Variants in PIP5K1C observed in about 807,000 individuals in gnomAD.
The protein encoded by PIP5K1C is phosphatidylinositol-4-phosphate 5-kinase type 1 gamma, also known as phosphatidylinositol 4-phosphate 5-kinase type-1 gamma.
Under a neutral mutation model 80.1 loss-of-function variants are expected in PIP5K1C, and 45 were observed. The observed-to-expected ratio is 0.56, with a 90% CI of 0.44 to 0.72. The LOEUF (loss-of-function observed/expected upper bound fraction) is 0.72, where lower values mean the gene tolerates loss of function less well. PIP5K1C is among the 30% of genes least tolerant of loss of function. The pLI, the probability that PIP5K1C is intolerant of heterozygous loss-of-function variation, is 0.00. For synonymous variants in PIP5K1C, 498 were observed against 420.1 expected (o/e 1.19, Z -2.27); for missense variants, 753 against 954.6 (o/e 0.79, Z 2.78).
chr19:3,657,175 C>A (rs1485585913), intron 5 of PIP5K1C, among the ~76,000 whole-genome samples: 1 of 152,186 alleles, frequency 6.6e-6, no homozygotes. Context: ...CACTTCTCTG[C>A]CCCTTTTTCT....
intron 1 of PIP5K1C, among the ~76,000 whole-genome samples, chr19:3,670,477 G>A (rs2035170824): frequency 6.6e-6 from 1 of 152,230 alleles, no homozygotes; most frequent in African/African-American, 2.4e-5. Context: ...AGGAGCAGAG[G>A]GGTGTGGAGC....
intron 1 of PIP5K1C, among the ~76,000 whole-genome samples, chr19:3,691,384 T>C (rs1216133977): frequency 6.6e-6 from 1 of 152,134 alleles, no homozygotes; most frequent in East Asian, 1.9e-4. Context: ...TTCCTAAACG[T>C]TGCAAACGGC....
rs1047006523 is a variant in PIP5K1C at position 3,700,301 on chromosome 19, C to T, written c.90G>A (p.Ala30=). Residue 30 remains alanine, a synonymous_variant, in exon 1 of 18, where the codon GCG becomes GCA. Transcript: ENST00000335312. The stretch of plus-strand genomic sequence containing the variant: ...CCCGGGAGGCCGGGCCGTTACCTGC[C>T]GCCGCCCCGCTCTCTGCCGCCCACG... ...EAAWAAESGA[A]AGLAQKKAAP... The T allele has an allele frequency of 6.2e-6, 8 of 1,280,718 alleles. No homozygotes were observed. The highest frequency in any genetic ancestry group is 1.6e-5 in the African/African-American group (1 of 63,254). The allele number at this position is 1,280,718 out of a possible 1,614,324, so 79.3% of individuals were successfully genotyped here.
chr19:3,633,122 G>T lies in PIP5K1C; in HGVS notation c.*45C>A. 1.3e-6 allele frequency: 1 copy of T among 748,642 alleles called. No homozygotes were observed. Among genetic ancestry groups the T allele is most frequent in the Admixed American group, 1.9e-5 (1 of 53,896 alleles). The allele number at this position is 748,642 out of a possible 1,614,324, so 46.4% of individuals were successfully genotyped here. On this transcript the variant is annotated 3_prime_UTR_variant, in exon 18 of 18. Coordinates refer to ENST00000335312, the MANE Select transcript of PIP5K1C (RefSeq NM_012398.3). Reference sequence around the variant, plus strand: ...GTGGGCAGCGCCTTCGGGGGCAGCCGGAGCAGAAGTGGAGCTCGGCTCTGG... The same window carrying T: ...GTGGGCAGCGCCTTCGGGGGCAGCCTGAGCAGAAGTGGAGCTCGGCTCTGG...
At chr19:3,681,032 G>A (rs981493496) in intron 1 of PIP5K1C, among the ~76,000 whole-genome samples, 9 of 152,194 alleles carry the variant, frequency 5.9e-5, no homozygotes, top group African/African-American at 2.2e-4. Context: ...CTGAGAGGCA[G>A]AGACCCTGTT....
chr19:3,643,945 C>A, intron 12 of PIP5K1C, 142 bp downstream of exon 12: 1 of 999,646 alleles, frequency 1.0e-6, no homozygotes, highest in Non-Finnish European at 1.5e-6. Flanking sequence ...CAGCAGCCCC[C>A]ACTCCCTGGG....
intron 11 of PIP5K1C, 101 bp from the exon 12 acceptor site, chr19:3,644,352 A>G: frequency 8.3e-7 from 1 of 1,198,138 alleles, no homozygotes; most frequent in Non-Finnish European, 1.2e-6. Context: ...CCTGTGGCCC[A>G]CCAGACCCCT....
chr19:3,693,532 G>A (rs189273531), intron 1 of PIP5K1C, among the ~76,000 whole-genome samples: 231 of 152,332 alleles, frequency 1.5e-3, no homozygotes, highest in Non-Finnish European at 2.7e-3. Context: ...GTCTTGACCG[G>A]CCTGGTCCTG....
intron 1 of PIP5K1C, among the ~76,000 whole-genome samples, chr19:3,671,409 C>T (rs1200222791): frequency 6.6e-6 from 1 of 152,252 alleles, no homozygotes; most frequent in African/African-American, 2.4e-5. Context: ...GGTGTAGGCC[C>T]CCTGCCTCAG....
At chr19:3,699,691 G>A (rs1212503829) in intron 1 of PIP5K1C, among the ~76,000 whole-genome samples, 1 of 152,310 alleles carries the variant, frequency 6.6e-6, no homozygotes, top group Admixed American at 6.5e-5. Flanking sequence ...GCAGCTAAAG[G>A]GGGCATGAGA....
chr19:3,638,945 T>C lies in PIP5K1C; in HGVS notation c.1859A>G (p.Glu620Gly). 6.2e-7 allele frequency: 1 copy of C among 1,612,312 alleles called. No homozygotes were observed. ...CGAGGCCTGGCTGGCAGGTGCGCCC[T>C]CCTCGTCTGAGGCCTGGCTGGCAGT... ...VETASQASDEEGAPASQASDE... is the reference protein window; with the variant it reads ...VETASQASDEGGAPASQASDE... The change falls in exon 16 of 18, where the codon GAG becomes GGG. Residue 620 changes from glutamate to glycine, a missense_variant. Transcript: ENST00000335312.
In PIP5K1C at chr19:3,643,279, C is replaced by A. The variant is rs762902576; in HGVS notation, c.1613G>T (p.Arg538Leu). Residue 538 changes from arginine (R) to leucine (L), a missense_variant, in exon 13 of 18, where the codon CGG becomes CTG. By Grantham distance (102) the Arg-to-Leu change is moderately radical (BLOSUM62 -2). This residue lies in a region of PIP5K1C where 315 missense variants were observed against 294.5 expected (regional missense o/e 1.07). Coordinates refer to ENST00000335312, the MANE Select transcript of PIP5K1C (RefSeq NM_012398.3). The stretch of plus-strand genomic sequence containing the variant: ...CTGCTCCGACGTCTCCGAGGGGGAC[C>A]GCTCAGGAATGGAGAGGGATGTGGA... ...LSSTSLSIPE[R>L]SPSETSEQPR... 1 of 1,613,936 alleles carries A rather than the reference C, an allele frequency of 6.2e-7. No homozygotes were observed. The highest frequency in any genetic ancestry group is 1.7e-5 in the Admixed American group (1 of 60,020).
chr19:3,700,463 G>A lies in PIP5K1C; in HGVS notation c.-73C>T, dbSNP rs1309290282. On this transcript the variant is annotated 5_prime_UTR_variant, in exon 1 of 18. Coordinates refer to ENST00000335312, the MANE Select transcript of PIP5K1C (RefSeq NM_012398.3). ...CGACCGCCGCCGCCGAACAACAAGCGCCGCCGGCCAAGGGAGGGCGCGCCG... is the reference window on the plus strand; with the variant it reads ...CGACCGCCGCCGCCGAACAACAAGCACCGCCGGCCAAGGGAGGGCGCGCCG... 7.2e-5 allele frequency: 60 copies of A among 836,540 alleles called. No homozygotes were observed. Among genetic ancestry groups the A allele is most frequent in the Non-Finnish European group, 8.7e-5 (60 of 690,536 alleles). The allele number at this position is 836,540 out of a possible 1,614,324, so 51.8% of individuals were successfully genotyped here.
At chr19:3,698,721 G>GC (rs1187591897) in intron 1 of PIP5K1C, among the ~76,000 whole-genome samples, 18 of 152,226 alleles carry the variant, frequency 1.2e-4, no homozygotes, top group Admixed American at 5.9e-4. Flanking sequence ...TGAAGAACAA[G>GC]CAGGCCCCTT....
At chr19:3,673,387 T>C (rs192167925) in intron 1 of PIP5K1C, among the ~76,000 whole-genome samples, 15 of 152,226 alleles carry the variant, frequency 9.9e-5, no homozygotes, top group East Asian at 1.9e-4. Flanking sequence ...TACATGGCTG[T>C]TGTCATCCCC....
intron 1 of PIP5K1C, among the ~76,000 whole-genome samples, chr19:3,672,049 C>T (rs892406259): frequency 3.3e-5 from 5 of 152,214 alleles, no homozygotes; most frequent in Non-Finnish European, 7.3e-5. Context: ...CTCTCCTGGC[C>T]CCATCACAGG....
In PIP5K1C at chr19:3,643,095, G is replaced by A. The variant is rs1004323; in HGVS notation, c.1649+148C>T. 905,518 of 1,458,498 alleles carry A rather than the reference G, an allele frequency of 0.62. 283,205 individuals carry two copies. The highest frequency in any genetic ancestry group is 0.78 in the African/African-American group (55,961 of 71,654). The allele number at this position is 1,458,498 out of a possible 1,614,324, so 90.3% of individuals were successfully genotyped here. On this transcript the variant is annotated intron_variant, in intron 13 of 17. Coordinates refer to ENST00000335312, the MANE Select transcript of PIP5K1C (RefSeq NM_012398.3). The stretch of plus-strand genomic sequence containing the variant: ...CCCACACATTGGATGCTCCGCCCCC[G>A]CGCACCCACATGCAGTGTATGTACA...
chr19:3,684,719 G>T (rs376090012), intron 1 of PIP5K1C, among the ~76,000 whole-genome samples: 1 of 152,228 alleles, frequency 6.6e-6, no homozygotes, highest in South Asian at 2.1e-4. Flanking sequence ...CACCACAGAC[G>T]CACCCAGAGC....
In PIP5K1C at chr19:3,647,398, G is replaced by T; in HGVS notation, c.1212-12C>A. 1 of 1,577,234 alleles carries T rather than the reference G, an allele frequency of 6.3e-7. No individual in the cohort carries two copies. The highest frequency in any genetic ancestry group is 1.8e-5 in the Admixed American group (1 of 55,986). Reference sequence around the variant, plus strand: ...GTTTCTTGATGAACCTGTGGAGAGAGCACCCGGAGTGGCAGCTGACATCAG... The same window carrying T: ...GTTTCTTGATGAACCTGTGGAGAGATCACCCGGAGTGGCAGCTGACATCAG... On this transcript the variant is annotated splice_polypyrimidine_tract_variant and intron_variant, in intron 9 of 17. Transcript: ENST00000335312.
Sources: allele counts gnomAD v4.1 joint callset (sites outside exome capture counted in the v4.1 genomes callset), GRCh38; gene constraint gnomAD v4.1.1; regional missense constraint gnomAD v4.1.1; transcripts MANE v1.5; gene names NCBI Gene and HGNC (gene_info 2026-07-23, HGNC 2026-07-21).